The following NEGR1 variants were observed in gnomAD, a reference collection of about 807,000 sequenced individuals.
NEGR1 encodes neuronal growth regulator 1, also known as IgLON family member 4.
Under a neutral mutation model 40.9 loss-of-function variants are expected in NEGR1, and 10 were observed. The observed-to-expected ratio is 0.24, with a 90% CI of 0.15 to 0.42. The LOEUF is 0.42. NEGR1 is among the 10% of genes least tolerant of loss of function. The probability of loss-of-function intolerance (pLI) is 1.00; values close to 1 mark genes in which losing one functional copy is unlikely to be tolerated. For synonymous variants in NEGR1, 185 were observed against 166.8 expected, an observed-to-expected ratio of 1.11 and a Z score of -0.84; for missense variants, 352 against 438.9, an observed-to-expected ratio of 0.80 and a Z score of 1.77.
At chr1:71,853,231 G>A (rs76351596) in intron 2 of NEGR1, among the ~76,000 whole-genome samples, 2,105 of 152,084 alleles carry the variant, frequency 0.014, 19 homozygotes, top group Non-Finnish European at 0.022. Flanking sequence ...TATCAATCTT[G>A]AGAATGTTGG....
intron 2 of NEGR1, among the ~76,000 whole-genome samples, chr1:71,843,594 T>C (rs970688978): frequency 6.6e-6 from 1 of 152,112 alleles, no homozygotes; most frequent in Admixed American, 6.6e-5. Flanking sequence ...AAACTTAAGT[T>C]ACATTCTGTT....
intron 1 of NEGR1, among the ~76,000 whole-genome samples, chr1:72,178,118 A>G (rs1398882726): frequency 6.6e-6 from 1 of 151,356 alleles, no homozygotes; most frequent in African/African-American, 2.4e-5. Context: ...TAAATTGCAT[A>G]TTTTTCCTTA....
chr1:71,584,307 A>C (rs1649230297), intron 6 of NEGR1, among the ~76,000 whole-genome samples: 1 of 152,114 alleles, frequency 6.6e-6, no homozygotes. Flanking sequence ...TGGCCCACTG[A>C]AATATTATTG....
At chr1:72,003,568 C>G (rs1422977527) in intron 1 of NEGR1, among the ~76,000 whole-genome samples, 1 of 151,864 alleles carries the variant, frequency 6.6e-6, no homozygotes, top group East Asian at 1.9e-4. Context: ...AAAAAAAGCT[C>G]TAAATGGAGG....
At chr1:71,660,214 C>G (rs1370626316) in intron 4 of NEGR1, among the ~76,000 whole-genome samples, 2 of 152,122 alleles carry the variant, frequency 1.3e-5, no homozygotes, top group East Asian at 1.9e-4. Flanking sequence ...CCTTAGCAAA[C>G]TAATGCAGGA....
At chr1:71,744,012 C>T (rs1418780356) in intron 3 of NEGR1, among the ~76,000 whole-genome samples, 1 of 152,084 alleles carries the variant, frequency 6.6e-6, no homozygotes, top group Admixed American at 6.6e-5. Context: ...CAATTCTCTC[C>T]CACTCATGGC....
intron 1 of NEGR1, among the ~76,000 whole-genome samples, chr1:72,033,337 G>C (rs1178178890): frequency 6.6e-6 from 1 of 152,080 alleles, no homozygotes; most frequent in African/African-American, 2.4e-5. Context: ...AATAATGTAA[G>C]ATTAATATTT....
At chr1:71,701,757 A>C (rs1653703031) in intron 3 of NEGR1, among the ~76,000 whole-genome samples, 1 of 152,102 alleles carries the variant, frequency 6.6e-6, no homozygotes, top group African/African-American at 2.4e-5. Flanking sequence ...ATTTAATTAT[A>C]ATATTTTTCA....
intron 1 of NEGR1, among the ~76,000 whole-genome samples, chr1:71,958,298 AG>A (rs1646134871): frequency 6.6e-6 from 1 of 152,204 alleles, no homozygotes; most frequent in Non-Finnish European, 1.5e-5. Context: ...TCTCCAAAGC[AG>A]GAGTGAACAG....
intron 2 of NEGR1, among the ~76,000 whole-genome samples, chr1:71,872,996 A>G (rs758792123): frequency 1.6e-4 from 25 of 152,060 alleles, no homozygotes; most frequent in Non-Finnish European, 2.9e-4. Flanking sequence ...TTCACACTCA[A>G]AAACAAAATG....
At chr1:72,043,136 T>A (rs745377762) in intron 1 of NEGR1, among the ~76,000 whole-genome samples, 13 of 151,932 alleles carry the variant, frequency 8.6e-5, no homozygotes, top group Non-Finnish European at 1.6e-4. Flanking sequence ...TAACCTGGCC[T>A]AGTCCATGAA....
chr1:71,804,971 C>T (rs1400690903), intron 2 of NEGR1, among the ~76,000 whole-genome samples: 2 of 152,154 alleles, frequency 1.3e-5, no homozygotes, highest in African/African-American at 2.4e-5. Context: ...AGGAACATCC[C>T]TGAGAAGGAG....
At chr1:71,485,475 G>A (rs529948982) in intron 6 of NEGR1, among the ~76,000 whole-genome samples, 149 of 151,512 alleles carry the variant, frequency 9.8e-4, no homozygotes, top group Non-Finnish European at 1.5e-3. Flanking sequence ...ATTAGGGTTC[G>A]CTCTTGGTAT....
chr1:71,654,767 T>C (rs1651825611), intron 4 of NEGR1, among the ~76,000 whole-genome samples: 1 of 152,210 alleles, frequency 6.6e-6, no homozygotes, highest in African/African-American at 2.4e-5. Flanking sequence ...GTGGATACAT[T>C]CTACAAATAA....
chr1:71,970,397 T>G (rs1038732054), intron 1 of NEGR1, among the ~76,000 whole-genome samples: 2 of 152,006 alleles, frequency 1.3e-5, no homozygotes, highest in East Asian at 3.9e-4. Context: ...TAGAAAAAAG[T>G]CACTCAATTA....
intron 2 of NEGR1, among the ~76,000 whole-genome samples, chr1:71,875,757 C>T (rs1660409421): frequency 6.6e-6 from 1 of 152,070 alleles, no homozygotes; most frequent in Non-Finnish European, 1.5e-5. Context: ...CACTAAGCCT[C>T]AAGATTTTAA....
chr1:72,245,918 T>C (rs1295335825), intron 1 of NEGR1, among the ~76,000 whole-genome samples: 1 of 152,106 alleles, frequency 6.6e-6, no homozygotes, highest in East Asian at 1.9e-4. Flanking sequence ...GACAACTAAC[T>C]CCTAAGTGCA....
rs1010548545 is a variant in NEGR1, at chr1:71,405,862, C to T, written c.*1584G>A. ...AATTTAGGTGTACTGAAATTGGTAA[C>T]TTCATCAAACCTGTAAAATGGCTTT... On this transcript the variant is annotated 3_prime_UTR_variant, in exon 7 of 7. Coordinates refer to ENST00000357731, the MANE Select transcript of NEGR1 (RefSeq NM_173808.3). 6.6e-6 allele frequency: 1 copy of T among 152,088 alleles called. No homozygotes were observed. Among genetic ancestry groups the T allele is most frequent in the African/African-American group, 2.4e-5 (1 of 41,344 alleles). 9.4% of individuals were successfully genotyped at this position (152,088 alleles called of 1,614,324 possible). A position where few individuals can be genotyped will look rare whatever the true frequency, so the allele number is the denominator to read the frequency against.
At chr1:71,852,741 T>C (rs1239373175) in intron 2 of NEGR1, among the ~76,000 whole-genome samples, 1 of 150,510 alleles carries the variant, frequency 6.6e-6, no homozygotes, top group African/African-American at 2.5e-5. Context: ...AGGTTTTTAG[T>C]AATACAGATG....
Sources: gnomAD v4.1 joint callset for allele counts (sites outside exome capture counted in the v4.1 genomes callset) on GRCh38, gnomAD v4.1.1 for gene constraint, MANE v1.5 for transcripts, NCBI Gene and HGNC (gene_info 2026-07-23, HGNC 2026-07-21) for gene names.